VPS36: variants seen among roughly 807,000 people sequenced by gnomAD.
The protein encoded by VPS36 is vacuolar protein-sorting-associated protein 36.
VPS36 carries 31 observed loss-of-function variants against 63.5 expected under a neutral mutation model. The observed-to-expected ratio is 0.49, with a 90% CI of 0.37 to 0.66. VPS36 has a LOEUF of 0.66. Ranked by LOEUF, VPS36 falls within the 30% of genes least tolerant of loss-of-function variation. The pLI is 0.00. For missense variants in VPS36, 338 were observed against 463.7 expected, an observed-to-expected ratio of 0.73 and a Z score of 2.49; for synonymous variants, 138 against 157.2, an observed-to-expected ratio of 0.88 and a Z score of 0.91.
intron 8 of VPS36, among the ~76,000 whole-genome samples, chr13:52,426,644 A>T (rs1232578895): frequency 6.6e-6 from 1 of 152,232 alleles, no homozygotes; most frequent in East Asian, 1.9e-4. Flanking sequence ...TCACGAGGTC[A>T]GGAGATCGAG....
chr13:52,430,912 G>A (rs559491303), intron 6 of VPS36, among the ~76,000 whole-genome samples: 1 of 151,756 alleles, frequency 6.6e-6, no homozygotes, highest in East Asian at 1.9e-4. Context: ...AAGAAAGAAA[G>A]TAATATAATG....
chr13:52,447,930 T>C (rs960879757), intron 1 of VPS36, among the ~76,000 whole-genome samples: 10 of 152,228 alleles, frequency 6.6e-5, no homozygotes, highest in African/African-American at 2.2e-4. Context: ...CTGTGGATCT[T>C]AGGCAAGTCA....
chr13:52,436,388 G>C lies in VPS36; in HGVS notation c.253C>G (p.His85Asp). 1.2e-6 allele frequency: 2 copies of C among 1,611,546 alleles called. No homozygotes were observed. Among genetic ancestry groups the C allele is most frequent in the Non-Finnish European group, 1.7e-6 (2 of 1,178,738 alleles). The stretch of plus-strand genomic sequence containing the variant: ...TTGTTAGGAGGAGCTGGGTGAAGAT[G>C]AACCACTATTTTGGCACTGAAGAAA... Reference protein sequence around the residue: ...GIGKSAKIVVHLHPAPPNKEP... With the variant: ...GIGKSAKIVVDLHPAPPNKEP... The change falls in exon 4 of 14, where the codon CAT (histidine) becomes GAT (aspartate). Residue 85 changes from histidine (H) to aspartate (D), a missense_variant. Physicochemically the swap from His to Asp is moderately conservative, Grantham distance 81. Coordinates refer to ENST00000378060, the MANE Select transcript of VPS36 (RefSeq NM_016075.4).
At chr13:52,447,736 T>C (rs1246134703) in intron 1 of VPS36, among the ~76,000 whole-genome samples, 1 of 152,142 alleles carries the variant, frequency 6.6e-6, no homozygotes, top group African/African-American at 2.4e-5. Context: ...ATTAGCTGTA[T>C]TAAACATTAT....
At position 52,445,853 on chromosome 13, in the gene VPS36, TGGCGTGAACCCG is replaced by T. The variant is rs1463465872; in HGVS notation, c.97-3420_97-3409del. Among the ~76,000 whole-genome samples, 51 of 115,768 alleles carry T rather than the reference TGGCGTGAACCCG, an allele frequency of 4.4e-4. 2 individuals carry two copies. The South Asian group carries it at 0.015, about 34-fold the overall frequency. The allele number at this position is 115,768 out of a possible 152,430, so 75.9% of individuals were successfully genotyped here. A position where few individuals can be genotyped will look rare whatever the true frequency, so the allele number is the denominator to read the frequency against. The stretch of plus-strand genomic sequence containing the variant: ...TACTTGGGAGGCGGAGGCAGGAGAA[TGGCGTGAACCCG>T]GGAGGCGGAGCTTGCAGTGAGCGGA... On this transcript the variant is annotated intron_variant, in intron 1 of 13. Transcript: ENST00000378060.
At chr13:52,445,912 C>G (rs112423236) in intron 1 of VPS36, among the ~76,000 whole-genome samples, 2,101 of 111,658 alleles carry the variant, frequency 0.019, 80 homozygotes, top group Admixed American at 0.098. Context: ...TGCACTCCAG[C>G]CTGGGCGACA....
At chr13:52,434,980 T>G in intron 4 of VPS36, 98 bp from the exon 5 acceptor site, 1 of 1,279,646 alleles carries the variant, frequency 7.8e-7, no homozygotes, top group Non-Finnish European at 1.1e-6. Context: ...TCTTTTTTTT[T>G]TTTTTTTTGA....
In VPS36 at chr13:52,437,002, A is replaced by G. The variant is rs556698836; in HGVS notation, c.237-598T>C. ...ATCTTTATGACTATCATAATCTTCTATGCTATTAAAAATACCACTATATTT... is the reference window on the plus strand; with the variant it reads ...ATCTTTATGACTATCATAATCTTCTGTGCTATTAAAAATACCACTATATTT... On this transcript the variant is annotated intron_variant, in intron 3 of 13. Transcript: ENST00000378060. Among the ~76,000 whole-genome samples the G allele has an allele frequency of 1.4e-4, 22 of 152,128 alleles. 1 individual carries two copies. The highest frequency in any genetic ancestry group is 6.2e-4 in the South Asian group (3 of 4,822).
chr13:52,443,260 G>C (rs890696611), intron 1 of VPS36, among the ~76,000 whole-genome samples: 12 of 152,018 alleles, frequency 7.9e-5, no homozygotes, highest in Non-Finnish European at 1.5e-4. Flanking sequence ...GAGGGGAGAA[G>C]ACCTTTCTAA....
At chr13:52,424,774 T>G (rs1340779713) in intron 9 of VPS36, among the ~76,000 whole-genome samples, 1 of 152,012 alleles carries the variant, frequency 6.6e-6, no homozygotes, top group Admixed American at 6.6e-5. Context: ...TCAGCTGAGG[T>G]CAGGAGTTCG....
chr13:52,449,980 T>A (rs1230751605), intron 1 of VPS36: 3 of 985,602 alleles, frequency 3.0e-6, no homozygotes, highest in Admixed American at 1.2e-4. Flanking sequence ...TGCCCAGATA[T>A]GCTAATCCCT....
At chr13:52,444,352 C>G (rs754847787) in intron 1 of VPS36, among the ~76,000 whole-genome samples, 1 of 151,482 alleles carries the variant, frequency 6.6e-6, no homozygotes, top group Non-Finnish European at 1.5e-5. Context: ...CCCAGCTACT[C>G]GGGAGGCTGA....
chr13:52,431,560 C>T (rs533793018), intron 6 of VPS36, among the ~76,000 whole-genome samples: 9 of 151,428 alleles, frequency 5.9e-5, no homozygotes, highest in African/African-American at 1.7e-4. Flanking sequence ...GTCAGGAGTT[C>T]GAGAGCAGCC....
At position 52,445,651 on chromosome 13, in the gene VPS36, A is replaced by T. The variant is rs894892771; in HGVS notation, c.97-3206T>A. Among the ~76,000 whole-genome samples, 3 of 131,462 alleles carry T rather than the reference A, an allele frequency of 2.3e-5. 1 individual carries two copies. Among genetic ancestry groups the T allele is most frequent in the African/African-American group, 8.8e-5 (3 of 34,244 alleles). The allele number at this position is 131,462 out of a possible 152,430, so 86.2% of individuals were successfully genotyped here. A position where few individuals can be genotyped will look rare whatever the true frequency, so the allele number is the denominator to read the frequency against. On this transcript the variant is annotated intron_variant, in intron 1 of 13. Coordinates refer to ENST00000378060, the MANE Select transcript of VPS36 (RefSeq NM_016075.4). ...GAGACTCCGTCTCAAAAAAAAAAAA[A>T]AAAAGGCCGGGCGCAGTGGCTCACG...
intron 1 of VPS36, 24 bp from the exon 2 acceptor site, chr13:52,442,469 A>T: frequency 6.3e-7 from 1 of 1,598,642 alleles, no homozygotes; most frequent in Non-Finnish European, 8.5e-7. Flanking sequence ...GCATCACAAA[A>T]TATTAATAAC....
chr13:52,442,563 G>A, intron 1 of VPS36, 118 bp from the exon 2 acceptor site: 2 of 811,832 alleles, frequency 2.5e-6, no homozygotes, highest in South Asian at 4.1e-5. Flanking sequence ...TTTACTTTTA[G>A]AATAGGCTTA....
In VPS36 at chr13:52,442,460, C is replaced by T; in HGVS notation, c.97-15G>A. ...TCAAATTTTATCTAGAAAGAAAGAG[C>T]ATCACAAAATATTAATAACATATCA... On this transcript the variant is annotated splice_polypyrimidine_tract_variant and intron_variant, in intron 1 of 13. Transcript: ENST00000378060. The T allele has an allele frequency of 6.2e-7, 1 of 1,605,682 alleles. No individual in the cohort carries two copies. Among genetic ancestry groups the T allele is most frequent in the Non-Finnish European group, 8.5e-7 (1 of 1,176,118 alleles).
intron 6 of VPS36, among the ~76,000 whole-genome samples, chr13:52,429,628 T>C (rs1301700777): frequency 1.3e-5 from 2 of 152,224 alleles, no homozygotes; most frequent in African/African-American, 4.8e-5. Flanking sequence ...ATGATCTGCA[T>C]GGTTAATGAC....
chr13:52,429,860 A>C (rs1958137941), intron 6 of VPS36, among the ~76,000 whole-genome samples: 1 of 152,204 alleles, frequency 6.6e-6, no homozygotes, highest in African/African-American at 2.4e-5. Context: ...GAAAAGCAAC[A>C]ATGTAACCAC....
Sources: allele counts gnomAD v4.1 joint callset (sites outside exome capture counted in the v4.1 genomes callset), GRCh38; gene constraint gnomAD v4.1.1; transcripts MANE v1.5; gene names NCBI Gene and HGNC (gene_info 2026-07-23, HGNC 2026-07-21).